SLC7A8: variants seen among roughly 807,000 people sequenced by gnomAD.
SLC7A8 encodes the protein solute carrier family 7 member 8.
Under a neutral mutation model 51.2 loss-of-function variants are expected in SLC7A8, and 30 were observed. The ratio of observed to expected loss-of-function variants is 0.59; its 90% CI spans 0.44 to 0.80. The LOEUF (loss-of-function observed/expected upper bound fraction) is 0.80, where lower values mean the gene tolerates loss of function less well. Among genes scored for constraint, SLC7A8 ranks in the 30% least tolerant of loss-of-function variants. The pLI is 0.00. For missense variants in SLC7A8, 612 were observed against 674.4 expected (o/e 0.91, Z 1.03); for synonymous variants, 257 against 275.8 (o/e 0.93, Z 0.67).
chr14:23,152,155 A>G (rs114645023), intron 3 of SLC7A8, among the ~76,000 whole-genome samples: 3,507 of 152,246 alleles, frequency 0.023, 139 homozygotes, highest in African/African-American at 0.08. Context: ...TTTTGAGAGC[A>G]GTCTCATTCT....
At chr14:23,143,983 A>G (rs1280879036) in intron 3 of SLC7A8, among the ~76,000 whole-genome samples, 1 of 152,222 alleles carries the variant, frequency 6.6e-6, no homozygotes, top group Non-Finnish European at 1.5e-5. Flanking sequence ...ATATATTACA[A>G]TTTGTTCCTT....
chr14:23,153,754 T>G (rs2048867419), intron 3 of SLC7A8, among the ~76,000 whole-genome samples: 1 of 152,126 alleles, frequency 6.6e-6, no homozygotes, highest in Admixed American at 6.5e-5. Context: ...TCCATTTGGA[T>G]TTCTCGGTCT....
At chr14:23,132,291 C>T (rs1330826751) in intron 7 of SLC7A8, among the ~76,000 whole-genome samples, 8 of 151,888 alleles carry the variant, frequency 5.3e-5, no homozygotes, top group East Asian at 1.9e-4. Flanking sequence ...CGTGAGCCAC[C>T]GCGCCTGGCC....
At chr14:23,179,794 A>G (rs548409584) in intron 1 of SLC7A8, among the ~76,000 whole-genome samples, 16 of 152,320 alleles carry the variant, frequency 1.1e-4, no homozygotes, top group African/African-American at 3.1e-4. Context: ...TAGGCAACAC[A>G]GCGAGACACT....
intron 3 of SLC7A8, among the ~76,000 whole-genome samples, chr14:23,162,541 G>A (rs1256485939): frequency 6.6e-6 from 1 of 152,164 alleles, no homozygotes; most frequent in Non-Finnish European, 1.5e-5. Context: ...AATAGAGGAG[G>A]GGGGTCTTGT....
At position 23,138,018 on chromosome 14, in the gene SLC7A8, C is replaced by T. The variant is rs1389905413; in HGVS notation, c.919G>A (p.Gly307Arg). Reference sequence around the variant, plus strand: ...GCCATGACTCCTAGGAGCTTCTCTCCAAAAGTCTGGGAGAGGAACCAAGGA... The same window carrying T: ...GCCATGACTCCTAGGAGCTTCTCTCTAAAAGTCTGGGAGAGGAACCAAGGA... ...LASNAVAVTF[G>R]EKLLGVMAWI... The change falls in exon 7 of 11, where the codon GGA becomes AGA. Residue 307 changes from glycine to arginine, a missense_variant. Physicochemically the swap from Gly to Arg is moderately radical, Grantham distance 125. Transcript: ENST00000316902. 6.2e-7 allele frequency: 1 copy of T among 1,613,840 alleles called. No homozygotes were observed. Among genetic ancestry groups the T allele is most frequent in the Non-Finnish European group, 8.5e-7 (1 of 1,179,966 alleles).
intron 3 of SLC7A8, among the ~76,000 whole-genome samples, chr14:23,164,884 C>T (rs952200378): frequency 6.6e-6 from 1 of 151,814 alleles, no homozygotes; most frequent in Non-Finnish European, 1.5e-5. Flanking sequence ...CCCAGCAACT[C>T]GGGAGTCTGA....
chr14:23,157,561 A>G (rs1245593705), intron 3 of SLC7A8, among the ~76,000 whole-genome samples: 2 of 151,976 alleles, frequency 1.3e-5, no homozygotes, highest in Non-Finnish European at 2.9e-5. Context: ...TCTATTATAT[A>G]TTTCTTGCCT....
intron 1 of SLC7A8, among the ~76,000 whole-genome samples, chr14:23,179,906 C>CTTT (rs33938109): frequency 1.5e-5 from 2 of 131,132 alleles, no homozygotes; most frequent in Non-Finnish European, 3.2e-5. Flanking sequence ...CTCTTTTTGA[C>CTTT]TTTTTTTTTT....
chr14:23,170,583 C>G (rs112068495), intron 1 of SLC7A8, among the ~76,000 whole-genome samples: 6 of 152,222 alleles, frequency 3.9e-5, no homozygotes, highest in African/African-American at 1.2e-4. Flanking sequence ...CTCACCCTCC[C>G]GAGTAGCTGG....
Position 23,143,062 on chromosome 14 carries a change from T to C in SLC7A8, c.634+17A>G, listed in dbSNP as rs371138813. ...GGAGGAAAGCTGGGCAGTACCTGTT[T>C]TTCCTGCGATACTCACCTTTGCATA... On this transcript the variant is annotated intron_variant, in intron 4 of 10. Coordinates refer to ENST00000316902, the MANE Select transcript of SLC7A8 (RefSeq NM_012244.4). The C allele has an allele frequency of 6.2e-7, 1 of 1,613,276 alleles. No individual in the cohort carries two copies. The highest frequency in any genetic ancestry group is 1.3e-5 in the African/African-American group (1 of 74,994).
intron 1 of SLC7A8, among the ~76,000 whole-genome samples, chr14:23,169,377 T>C (rs1315596353): frequency 6.6e-6 from 1 of 151,900 alleles, no homozygotes; most frequent in South Asian, 2.1e-4. Context: ...TAAATAAAAT[T>C]ACAAAGATAA....
At chr14:23,160,570 TA>T (rs11405198) in intron 3 of SLC7A8, among the ~76,000 whole-genome samples, 262 of 127,134 alleles carry the variant, frequency 2.1e-3, no homozygotes, top group African/African-American at 6.2e-3. Context: ...GACTCCGTCT[TA>T]AAAAAAAAAA....
intron 1 of SLC7A8, among the ~76,000 whole-genome samples, chr14:23,182,008 C>G (rs1181004150): frequency 6.6e-6 from 1 of 152,232 alleles, no homozygotes; most frequent in Admixed American, 6.5e-5. Flanking sequence ...ATATTTTACC[C>G]ATCAGTTCCT....
chr14:23,173,832 G>A (rs897497973), intron 1 of SLC7A8, among the ~76,000 whole-genome samples: 1 of 151,148 alleles, frequency 6.6e-6, no homozygotes, highest in Non-Finnish European at 1.5e-5. Flanking sequence ...GTAGAGGCAG[G>A]GTCCCACTGT....
chr14:23,178,645 T>C (rs1877028008), intron 1 of SLC7A8, among the ~76,000 whole-genome samples: 1 of 151,646 alleles, frequency 6.6e-6, no homozygotes, highest in Non-Finnish European at 1.5e-5. Flanking sequence ...TTGGGCACGG[T>C]GGCCCACACG....
At chr14:23,137,225 C>T (rs1408398311) in intron 7 of SLC7A8, among the ~76,000 whole-genome samples, 1 of 152,206 alleles carries the variant, frequency 6.6e-6, no homozygotes, top group Non-Finnish European at 1.5e-5. Flanking sequence ...CGTGGACCCG[C>T]TCGCACTTCT....
intron 1 of SLC7A8, among the ~76,000 whole-genome samples, chr14:23,175,318 C>T (rs930008144): frequency 1.3e-5 from 2 of 152,182 alleles, no homozygotes; most frequent in Admixed American, 6.5e-5. Context: ...AAGCAATTCT[C>T]GTGCCTCAGC....
At chr14:23,152,699 G>A (rs1166597146) in intron 3 of SLC7A8, among the ~76,000 whole-genome samples, 1 of 152,210 alleles carries the variant, frequency 6.6e-6, no homozygotes, top group Non-Finnish European at 1.5e-5. Flanking sequence ...ACAGGCATGA[G>A]CCGCCACACC....
Sources: gnomAD v4.1 joint callset for allele counts (sites outside exome capture counted in the v4.1 genomes callset) on GRCh38, gnomAD v4.1.1 for gene constraint, MANE v1.5 for transcripts, NCBI Gene and HGNC (gene_info 2026-07-23, HGNC 2026-07-21) for gene names.